ADGRB2: variants seen among roughly 807,000 people sequenced by gnomAD.
ADGRB2 encodes brain-specific angiogenesis inhibitor 2.
A neutral mutation model predicts 178.7 loss-of-function variants in ADGRB2; 47 were observed. That is an observed-to-expected ratio of 0.26 (90% confidence interval 0.21 to 0.34). The LOEUF (loss-of-function observed/expected upper bound fraction) is 0.34, where lower values mean the gene tolerates loss of function less well. Among genes scored for constraint, ADGRB2 ranks in the 10% least tolerant of loss-of-function variants. ADGRB2 has a pLI of 1.00. For missense variants in ADGRB2, 1,584 were observed against 2,180.8 expected (o/e 0.73, Z 5.45); for synonymous variants, 870 against 912.4 (o/e 0.95, Z 0.84).
At chr1:31,737,180 C>T (rs1645660802) in intron 20 of ADGRB2, among the ~76,000 whole-genome samples, 1 of 152,216 alleles carries the variant, frequency 6.6e-6, no homozygotes, top group Non-Finnish European at 1.5e-5. Flanking sequence ...ACCTGCCCAA[C>T]ACACACCCAG....
In ADGRB2 at chr1:31,733,454, A is replaced by ATG. The variant is rs1329434180; in HGVS notation, c.3453-313_3453-312dup. Reference sequence around the variant, plus strand: ...GGGAGAGAGAAGAGGAGGCAGACAGATGCACAGAATCACCTGAGGAGCTTT... The same window carrying ATG: ...GGGAGAGAGAAGAGGAGGCAGACAGATGTGCACAGAATCACCTGAGGAGCTTT... On this transcript the variant is annotated intron_variant, in intron 25 of 32. Transcript: ENST00000373658. This position sits in a 1 kb window ranked among gnomAD's most constrained non-coding sequence, Gnocchi z 4.3. Among the ~76,000 whole-genome samples the ATG allele has an allele frequency of 1.5e-4, 23 of 152,202 alleles. No individual in the cohort carries two copies. The highest frequency in any genetic ancestry group is 3.2e-4 in the Non-Finnish European group (22 of 68,030).
At position 31,732,615 on chromosome 1, in the gene ADGRB2, G is replaced by C. The variant is rs1239142815; in HGVS notation, c.3625-3C>G. The stretch of plus-strand genomic sequence containing the variant: ...TGGCACTTCACCACATCCTGGACCT[G>C]GGGACAGAGGGCGCCTGCTGGGCCT... On this transcript the variant is annotated splice_polypyrimidine_tract_variant and splice_region_variant and intron_variant, in intron 26 of 32. Coordinates refer to ENST00000373658, the MANE Select transcript of ADGRB2 (RefSeq NM_001364857.2). 1 of 1,613,538 alleles carries C rather than the reference G, an allele frequency of 6.2e-7. No individual in the cohort carries two copies. The highest frequency in any genetic ancestry group is 8.5e-7 in the Non-Finnish European group (1 of 1,179,868).
chr1:31,730,829 C>T lies in ADGRB2; in HGVS notation c.4351G>A (p.Gly1451Ser), dbSNP rs745421690. 7 of 1,515,908 alleles carry T rather than the reference C, an allele frequency of 4.6e-6. No individual in the cohort carries two copies. Among genetic ancestry groups the T allele is most frequent in the South Asian group, 1.3e-5 (1 of 75,424 alleles). The allele number at this position is 1,515,908 out of a possible 1,614,324, so 93.9% of individuals were successfully genotyped here. A position where few individuals can be genotyped will look rare whatever the true frequency, so the allele number is the denominator to read the frequency against. ...AGGGAGCCCATCTTCATGGTAGAGC[C>T]GGGCACGGTGCGAGGCATGGTCCGG... ...RSRTMPRTVP[G>S]STMKMGSLER... The change falls in exon 29 of 33, where the codon GGC becomes AGC. Residue 1451 changes from glycine to serine, a missense_variant. By Grantham distance (56) the Gly-to-Ser change is moderately conservative. Transcript: ENST00000373658.
Position 31,744,721 on chromosome 1 carries a change from C to G in ADGRB2, c.849G>C (p.Pro283=). 3.7e-6 allele frequency: 6 copies of G among 1,614,172 alleles called. No individual in the cohort carries two copies. Among genetic ancestry groups the G allele is most frequent in the Non-Finnish European group, 5.1e-6 (6 of 1,180,010 alleles). Residue 283 remains proline (P), a synonymous_variant, in exon 5 of 33, where the codon CCG becomes CCC. Transcript: ENST00000373658. The surrounding 1 kb of genome is among the most constrained non-coding windows in gnomAD (Gnocchi z 6.7). The part of the protein sequence containing the change: ...FTTEMRYGEE[P]EEEPKVKTQW... ...GGGTTTTCACTTTCGGTTCCTCTTCCGGCTCCTCACCTGGAACACGGAGGT... is the reference window on the plus strand; with the variant it reads ...GGGTTTTCACTTTCGGTTCCTCTTCGGGCTCCTCACCTGGAACACGGAGGT...
chr1:31,736,953 C>T (rs1464041626), intron 20 of ADGRB2, among the ~76,000 whole-genome samples: 1 of 152,220 alleles, frequency 6.6e-6, no homozygotes, highest in African/African-American at 2.4e-5. Context: ...GCAGGCTGCC[C>T]ACGCACAGAC....
rs1218805748 is a variant in ADGRB2, at chr1:31,757,193, A to G, written c.21+8T>C. On this transcript the variant is annotated splice_region_variant and intron_variant, in intron 3 of 32. Transcript: ENST00000373658. ...TCGCCTTGCATTCAGATCCAGCCCC[A>G]GCCTCACCATCCAACCTGTATTCTC... The G allele has an allele frequency of 2.5e-6, 4 of 1,614,156 alleles. No individual in the cohort carries two copies. In the South Asian group the frequency reaches 4.4e-5, roughly 18 times the overall value.
intron 15 of ADGRB2, 58 bp downstream of exon 15, chr1:31,739,250 C>T: frequency 4.2e-6 from 6 of 1,422,326 alleles, no homozygotes; most frequent in Non-Finnish European, 5.6e-6. Context: ...GTCCTCCTTC[C>T]CTTACCTGGG....
rs1645783633 is a variant in ADGRB2 at position 31,738,952 on chromosome 1, C to A, written c.2496-15G>T. The A allele has an allele frequency of 6.3e-7, 1 of 1,591,958 alleles. No individual in the cohort carries two copies. Among genetic ancestry groups the A allele is most frequent in the Admixed American group, 1.7e-5 (1 of 59,276 alleles). On this transcript the variant is annotated splice_polypyrimidine_tract_variant and intron_variant, in intron 15 of 32. Coordinates refer to ENST00000373658, the MANE Select transcript of ADGRB2 (RefSeq NM_001364857.2). ...CCAGCGGGGGCCTGCGGGACAGGTA[C>A]CGAAGTCAGCTCCTGCCAGCGGGTG... is the stretch of plus-strand genomic sequence containing the variant.
rs1645422209 is a variant in ADGRB2, at chr1:31,733,724, G to C, written c.3453-581C>G. ...CCCCCACACACAGAGAAGACGCCAG[G>C]CTCCCACGGACTGCTCAGAGCCTTG... is the stretch of plus-strand genomic sequence containing the variant. On this transcript the variant is annotated intron_variant, in intron 25 of 32. Coordinates refer to ENST00000373658, the MANE Select transcript of ADGRB2 (RefSeq NM_001364857.2). The surrounding 1 kb of genome is among the most constrained non-coding windows in gnomAD (Gnocchi z 4.3). 6.6e-6 allele frequency among the ~76,000 whole-genome samples: 1 copy of C among 152,130 alleles called. No individual in the cohort carries two copies. Among genetic ancestry groups the C allele is most frequent in the South Asian group, 2.1e-4 (1 of 4,830 alleles).
chr1:31,728,424 G>T lies in ADGRB2; in HGVS notation c.4417-144C>A. The T allele has an allele frequency of 1.5e-6, 2 of 1,316,588 alleles. No homozygotes were observed. The highest frequency in any genetic ancestry group is 2.2e-6 in the Non-Finnish European group (2 of 921,492). The allele number at this position is 1,316,588 out of a possible 1,614,324, so 81.6% of individuals were successfully genotyped here. On this transcript the variant is annotated intron_variant, in intron 30 of 32. Coordinates refer to ENST00000373658, the MANE Select transcript of ADGRB2 (RefSeq NM_001364857.2). The surrounding 1 kb of genome is among the most constrained non-coding windows in gnomAD (Gnocchi z 6.7). ...CAAGACCTAGTTCTCTCTTCACGTT[G>T]GTGCTATGGGCTTGGGCAGGGAGGG...
Position 31,759,235 on chromosome 1 carries a change from G to C in ADGRB2, c.-190-1724C>G, listed in dbSNP as rs577941343. Reference sequence around the variant, plus strand: ...GATTCATGCTGTCACACACACTCAGGAGTTAACACGCACACACAGGGGTGT... The same window carrying C: ...GATTCATGCTGTCACACACACTCAGCAGTTAACACGCACACACAGGGGTGT... On this transcript the variant is annotated intron_variant, in intron 1 of 32. Coordinates refer to ENST00000373658, the MANE Select transcript of ADGRB2 (RefSeq NM_001364857.2). This position sits in a 1 kb window ranked among gnomAD's most constrained non-coding sequence, Gnocchi z 4.3. The C allele has an allele frequency of 2.7e-5, 21 of 768,474 alleles. No individual in the cohort carries two copies. In the East Asian group the frequency reaches 4.1e-4, roughly 15 times the overall value. The allele number at this position is 768,474 out of a possible 1,614,324, so 47.6% of individuals were successfully genotyped here.
At position 31,741,303 on chromosome 1, in the gene ADGRB2, C is replaced by A. The variant is rs772156121; in HGVS notation, c.1794+70G>T. 2.1e-6 allele frequency: 3 copies of A among 1,462,050 alleles called. No individual in the cohort carries two copies. The African/African-American group carries it at 4.2e-5, about 21-fold the overall frequency. 90.6% of individuals were successfully genotyped at this position (1,462,050 alleles called of 1,614,324 possible). A position where few individuals can be genotyped will look rare whatever the true frequency, so the allele number is the denominator to read the frequency against. Reference sequence around the variant, plus strand: ...GGCACGTGGGAACGAGCGAGAATCACGCTCCCTCCACCCCCTAGCAGAGTC... The same window carrying A: ...GGCACGTGGGAACGAGCGAGAATCAAGCTCCCTCCACCCCCTAGCAGAGTC... On this transcript the variant is annotated intron_variant, in intron 11 of 32. Transcript: ENST00000373658. The surrounding 1 kb of genome is among the most constrained non-coding windows in gnomAD (Gnocchi z 6.5).
rs1239802410 is a variant in ADGRB2 at position 31,731,182 on chromosome 1, C to T, written c.3998G>A (p.Arg1333Gln). The change falls in exon 29 of 33, where the codon CGG (arginine) becomes CAG (glutamine). Residue 1333 changes from arginine to glutamine, a missense_variant. Physicochemically the swap from Arg to Gln is conservative, Grantham distance 43. Coordinates refer to ENST00000373658, the MANE Select transcript of ADGRB2 (RefSeq NM_001364857.2). Reference protein sequence around the residue: ...PVYMCGEGGLRQLDLTWLRPT... With the variant: ...PVYMCGEGGLQQLDLTWLRPT... ...CCGCAGCCATGTGAGGTCCAGCTGC[C>T]GCAGGCCACCCTCCCCACACATGTA... 9 of 1,598,826 alleles carry T rather than the reference C, an allele frequency of 5.6e-6. No individual in the cohort carries two copies. Among genetic ancestry groups the T allele is most frequent in the African/African-American group, 4.0e-5 (3 of 74,546 alleles).
rs1251947677 is a variant in ADGRB2, at chr1:31,753,961, C to G, written c.838+2038G>C. Among the ~76,000 whole-genome samples, 3 of 152,178 alleles carry G rather than the reference C, an allele frequency of 2.0e-5. No individual in the cohort carries two copies. The highest frequency in any genetic ancestry group is 7.2e-5 in the African/African-American group (3 of 41,452). On this transcript the variant is annotated intron_variant, in intron 4 of 32. Transcript: ENST00000373658. The surrounding 1 kb of genome is among the most constrained non-coding windows in gnomAD (Gnocchi z 4.1). ...TCCCATGCCAACTCCCTACAGGGGCCCTCCCTAAAAAGCAACCCCAAGGAA... is the reference window on the plus strand; with the variant it reads ...TCCCATGCCAACTCCCTACAGGGGCGCTCCCTAAAAAGCAACCCCAAGGAA...
In ADGRB2 at chr1:31,759,881, T is replaced by C. The variant is rs1042799863; in HGVS notation, c.-190-2370A>G. ...AGGCAGCCCAAGTGGCTCTTAGTCATGATTAACCCCCCTGAGCCTGTTTCC... is the reference window on the plus strand; with the variant it reads ...AGGCAGCCCAAGTGGCTCTTAGTCACGATTAACCCCCCTGAGCCTGTTTCC... On this transcript the variant is annotated intron_variant, in intron 1 of 32. Coordinates refer to ENST00000373658, the MANE Select transcript of ADGRB2 (RefSeq NM_001364857.2). This position sits in a 1 kb window ranked among gnomAD's most constrained non-coding sequence, Gnocchi z 4.3. Among the ~76,000 whole-genome samples the C allele has an allele frequency of 1.3e-5, 2 of 152,166 alleles. No individual in the cohort carries two copies. Among genetic ancestry groups the C allele is most frequent in the Non-Finnish European group, 2.9e-5 (2 of 68,024 alleles).
At chr1:31,731,998 C>G in intron 28 of ADGRB2, 117 bp downstream of exon 28, 1 of 1,390,942 alleles carries the variant, frequency 7.2e-7, no homozygotes. Flanking sequence ...GGCTGTCTAA[C>G]TTCGAAGCTG....
In ADGRB2 at chr1:31,744,820, C is replaced by T. The variant is rs1438932496; in HGVS notation, c.839-89G>A. On this transcript the variant is annotated intron_variant, in intron 4 of 32. Coordinates refer to ENST00000373658, the MANE Select transcript of ADGRB2 (RefSeq NM_001364857.2). This position sits in a 1 kb window ranked among gnomAD's most constrained non-coding sequence, Gnocchi z 6.7. ...AGTGAAGGCAGCCTTCCTTGCCCTC[C>T]GCCTGAGGGCCTGGAACCAACTGCA... 7 of 1,317,228 alleles carry T rather than the reference C, an allele frequency of 5.3e-6. No individual in the cohort carries two copies. The East Asian group carries it at 9.5e-5, about 18-fold the overall frequency. The allele number at this position is 1,317,228 out of a possible 1,614,324, so 81.6% of individuals were successfully genotyped here.
chr1:31,735,512 G>A lies in ADGRB2; in HGVS notation c.3353+68C>T, dbSNP rs1645549142. 6.4e-7 allele frequency: 1 copy of A among 1,558,166 alleles called. No homozygotes were observed. Among genetic ancestry groups the A allele is most frequent in the Non-Finnish European group, 8.8e-7 (1 of 1,135,026 alleles). On this transcript the variant is annotated intron_variant, in intron 24 of 32. Coordinates refer to ENST00000373658, the MANE Select transcript of ADGRB2 (RefSeq NM_001364857.2). The surrounding 1 kb of genome is among the most constrained non-coding windows in gnomAD (Gnocchi z 6.0). Reference sequence around the variant, plus strand: ...GCATCATCGAGCCCTGAGTCTCCAAGAGCACCCATGTCCCTCCCTCCCTGC... The same window carrying A: ...GCATCATCGAGCCCTGAGTCTCCAAAAGCACCCATGTCCCTCCCTCCCTGC...
chr1:31,744,394 C>A lies in ADGRB2; in HGVS notation c.923-37G>T. On this transcript the variant is annotated intron_variant, in intron 5 of 32. Coordinates refer to ENST00000373658, the MANE Select transcript of ADGRB2 (RefSeq NM_001364857.2). This position sits in a 1 kb window ranked among gnomAD's most constrained non-coding sequence, Gnocchi z 6.7. The stretch of plus-strand genomic sequence containing the variant: ...GGACAGCGTCGGCGGCAGGGGGCAC[C>A]TCCCAAGCACTCAGTCTCATAGGGA... 6.5e-7 allele frequency: 1 copy of A among 1,544,538 alleles called. No individual in the cohort carries two copies. Among genetic ancestry groups the A allele is most frequent in the Non-Finnish European group, 8.7e-7 (1 of 1,145,748 alleles).
Sources: allele counts gnomAD v4.1 joint callset (sites outside exome capture counted in the v4.1 genomes callset), GRCh38; gene constraint gnomAD v4.1.1; non-coding constraint Gnocchi (gnomAD v3.1); transcripts MANE v1.5; gene names NCBI Gene and HGNC (gene_info 2026-07-23, HGNC 2026-07-21).